Variants in ROBO1 observed in about 807,000 individuals in gnomAD.
ROBO1 encodes roundabout homolog 1.
Under a neutral mutation model 195.9 loss-of-function variants are expected in ROBO1, and 149 were observed. That is an observed-to-expected ratio of 0.76 (90% CI 0.67 to 0.87). The LOEUF is 0.87. Among genes scored for constraint, ROBO1 ranks in the 40% least tolerant of loss-of-function variants. ROBO1 has a pLI of 0.00. For missense variants in ROBO1, 1,933 were observed against 2,068.3 expected, an observed-to-expected ratio of 0.93 and a Z score of 1.27; for synonymous variants, 816 against 733.2, an observed-to-expected ratio of 1.11 and a Z score of -1.82.
intron 1 of ROBO1, among the ~76,000 whole-genome samples, chr3:79,708,938 AT>A (rs893858987): frequency 1.7e-4 from 26 of 151,504 alleles, no homozygotes; most frequent in Admixed American, 1.2e-3. Context: ...GGTTTTTTGT[AT>A]TTTTTTTTCT....
intron 4 of ROBO1, among the ~76,000 whole-genome samples, chr3:78,755,953 T>A (rs1304421106): frequency 2.0e-5 from 3 of 152,176 alleles, no homozygotes; most frequent in Non-Finnish European, 4.4e-5. Context: ...TGCTAACTGA[T>A]AATATTCATT....
intron 1 of ROBO1, among the ~76,000 whole-genome samples, chr3:79,677,342 A>T (rs2106944394): frequency 6.6e-6 from 1 of 152,078 alleles, no homozygotes; most frequent in South Asian, 2.1e-4. Context: ...TGGGCAATTT[A>T]CAAAAGAAAG....
chr3:79,464,152 A>G (rs1168125790), intron 2 of ROBO1, among the ~76,000 whole-genome samples: 1 of 152,190 alleles, frequency 6.6e-6, no homozygotes, highest in Non-Finnish European at 1.5e-5. Context: ...GTATACATAT[A>G]TATTTGTCCA....
chr3:78,659,685 C>G lies in ROBO1; in HGVS notation c.2442+1G>C. The G allele has an allele frequency of 6.5e-7, 1 of 1,542,794 alleles. No individual in the cohort carries two copies. ...AATATATATATATATTATACTCATA[C>G]CTTATACTCTTGGACCATTCCATTT... On this transcript the variant is annotated splice_donor_variant, in intron 17 of 30. Transcript: ENST00000464233. LOFTEE classifies it high-confidence loss of function.
intron 4 of ROBO1, among the ~76,000 whole-genome samples, chr3:78,768,510 A>G (rs915661532): frequency 6.6e-6 from 1 of 152,138 alleles, no homozygotes; most frequent in African/African-American, 2.4e-5. Flanking sequence ...CCTATAATAT[A>G]TAATCATTAT....
intron 3 of ROBO1, among the ~76,000 whole-genome samples, chr3:79,038,823 C>G (rs933384463): frequency 6.6e-6 from 1 of 152,102 alleles, no homozygotes; most frequent in African/African-American, 2.4e-5. Flanking sequence ...ATTTCCAACT[C>G]TCAGCTCCAG....
intron 1 of ROBO1, among the ~76,000 whole-genome samples, chr3:79,725,078 T>C (rs988754133): frequency 2.0e-5 from 3 of 152,184 alleles, no homozygotes; most frequent in African/African-American, 7.2e-5. Flanking sequence ...CATTGTTGAC[T>C]GTTTTTCCTT....
chr3:79,510,170 G>C (rs572428847), intron 2 of ROBO1, among the ~76,000 whole-genome samples: 1 of 152,272 alleles, frequency 6.6e-6, no homozygotes, highest in African/African-American at 2.4e-5. Flanking sequence ...TTGAATTGTA[G>C]TTACCATAAT....
At chr3:79,110,217 A>C (rs1312488568) in intron 3 of ROBO1, among the ~76,000 whole-genome samples, 1 of 152,144 alleles carries the variant, frequency 6.6e-6, no homozygotes, top group Admixed American at 6.6e-5. Context: ...TATTACAGTG[A>C]GTGTGAATTG....
At chr3:79,052,317 A>G (rs1324793944) in intron 3 of ROBO1, among the ~76,000 whole-genome samples, 1 of 152,046 alleles carries the variant, frequency 6.6e-6, no homozygotes, top group Non-Finnish European at 1.5e-5. Context: ...GGGAAATTCC[A>G]GCCTGGTGAA....
At chr3:79,519,401 C>T (rs144731995) in intron 2 of ROBO1, among the ~76,000 whole-genome samples, 4,602 of 151,864 alleles carry the variant, frequency 0.03, 252 homozygotes, top group African/African-American at 0.1. Flanking sequence ...GAGGCCGAAA[C>T]GGGTGGATCA....
At chr3:79,633,794 G>T (rs758312049) in intron 1 of ROBO1, among the ~76,000 whole-genome samples, 7 of 151,916 alleles carry the variant, frequency 4.6e-5, no homozygotes, top group South Asian at 2.1e-4. Flanking sequence ...ATTATTAAAA[G>T]ATCTGTAATT....
At chr3:78,759,603 T>TA (rs1181256374) in intron 4 of ROBO1, among the ~76,000 whole-genome samples, 5 of 152,182 alleles carry the variant, frequency 3.3e-5, no homozygotes, top group African/African-American at 1.2e-4. Context: ...GTCAATTTTA[T>TA]ATTACTCATT....
intron 2 of ROBO1, among the ~76,000 whole-genome samples, chr3:79,215,820 A>T (rs1576826947): frequency 6.6e-6 from 1 of 152,344 alleles, no homozygotes; most frequent in Admixed American, 6.5e-5. Context: ...CTTAAATGCC[A>T]TAAATGGGAA....
chr3:79,218,230 T>C (rs557095211), intron 2 of ROBO1, among the ~76,000 whole-genome samples: 3 of 152,080 alleles, frequency 2.0e-5, no homozygotes, highest in East Asian at 1.9e-4. Context: ...ATCTAAAAAT[T>C]AGGAAATTTG....
intron 3 of ROBO1, among the ~76,000 whole-genome samples, chr3:79,053,161 T>A (rs1428001588): frequency 1.3e-5 from 2 of 151,988 alleles, no homozygotes; most frequent in African/African-American, 4.8e-5. Context: ...CGTGCCATCC[T>A]AATGACATAC....
chr3:78,818,353 C>G (rs1181628278), intron 4 of ROBO1, among the ~76,000 whole-genome samples: 1 of 152,168 alleles, frequency 6.6e-6, no homozygotes, highest in Non-Finnish European at 1.5e-5. Flanking sequence ...AGTCCCACGC[C>G]AGACGCCCTG....
chr3:78,858,343 A>G (rs1441507219), intron 4 of ROBO1, among the ~76,000 whole-genome samples: 1 of 152,108 alleles, frequency 6.6e-6, no homozygotes, highest in Non-Finnish European at 1.5e-5. Flanking sequence ...ACTGTTGATG[A>G]TGAACTATGC....
At chr3:79,018,712 A>G (rs1178015469) in intron 3 of ROBO1, 3 of 1,299,984 alleles carry the variant, frequency 2.3e-6, no homozygotes, top group Non-Finnish European at 3.0e-6. Context: ...AGGCTCAGAC[A>G]CTTTCAAGAA....
Sources: allele counts gnomAD v4.1 joint callset (sites outside exome capture counted in the v4.1 genomes callset), GRCh38; gene constraint gnomAD v4.1.1; transcripts MANE v1.5; gene names NCBI Gene and HGNC (gene_info 2026-07-23, HGNC 2026-07-21).